The following SORCS3 variants were observed in gnomAD, a reference collection of about 807,000 sequenced individuals.
SORCS3 encodes the protein VPS10 domain-containing receptor SorCS3.
Under a neutral mutation model 146.3 loss-of-function variants are expected in SORCS3, and 57 were observed. That is an observed-to-expected ratio of 0.39 (90% CI 0.31 to 0.49). The LOEUF (loss-of-function observed/expected upper bound fraction) is 0.49, where lower values mean the gene tolerates loss of function less well. Among genes scored for constraint, SORCS3 ranks in the 20% least tolerant of loss-of-function variants. The pLI, the probability that SORCS3 is intolerant of heterozygous loss-of-function variation, is 0.92. For missense variants in SORCS3, 1,341 were observed against 1,575.5 expected (o/e 0.85, Z 2.52); for synonymous variants, 653 against 618.5 (o/e 1.06, Z -0.83).
intron 14 of SORCS3, among the ~76,000 whole-genome samples, chr10:105,181,266 G>T (rs1484242): frequency 0.075 from 11,468 of 152,244 alleles, 642 homozygotes; most frequent in Admixed American, 0.15. Flanking sequence ...AGCATGTTAG[G>T]AAATTGATTA....
At chr10:104,700,927 C>T (rs944965143) in intron 1 of SORCS3, among the ~76,000 whole-genome samples, 4 of 152,068 alleles carry the variant, frequency 2.6e-5, no homozygotes, top group African/African-American at 7.2e-5. Flanking sequence ...ATTTTTATTC[C>T]GAATTCCAGT....
chr10:104,837,153 T>G (rs2018080356), intron 1 of SORCS3, among the ~76,000 whole-genome samples: 1 of 152,146 alleles, frequency 6.6e-6, no homozygotes, highest in Admixed American at 6.5e-5. Flanking sequence ...TGTCAGCCGT[T>G]GTGCTTGGTG....
intron 1 of SORCS3, among the ~76,000 whole-genome samples, chr10:104,760,284 G>C (rs10786819): frequency 0.77 from 117,788 of 152,168 alleles, 45,782 homozygotes; most frequent in East Asian, 0.94. Flanking sequence ...CACTACAGCA[G>C]CTGGCACACA....
chr10:105,247,617 G>A (rs1200753652), intron 22 of SORCS3, among the ~76,000 whole-genome samples: 5 of 152,014 alleles, frequency 3.3e-5, no homozygotes, highest in South Asian at 4.1e-4. Flanking sequence ...ATGTGGTGGC[G>A]CACACCTGTA....
Position 105,089,827 on chromosome 10 carries a change from A to G in SORCS3, c.1081A>G (p.Thr361Ala), listed in dbSNP as rs2055689530. 6.2e-7 allele frequency: 1 copy of G among 1,613,940 alleles called. No individual in the cohort carries two copies. The highest frequency in any genetic ancestry group is 8.5e-7 in the Non-Finnish European group (1 of 1,179,860). ...GGACCTGGTGCACATGGAGGTGCGG[A>G]CCACGGATGGATGTGAGTTCTGCTA... ...EADLVHMEVRTTDGYAHYLTC... is the reference protein window; with the variant it reads ...EADLVHMEVRATDGYAHYLTC... Residue 361 changes from threonine (T) to alanine (A), a missense_variant, in exon 6 of 27, where the codon ACC becomes GCC. Coordinates refer to ENST00000369701, the MANE Select transcript of SORCS3 (RefSeq NM_014978.3).
chr10:104,963,015 T>C (rs987138417), intron 3 of SORCS3, among the ~76,000 whole-genome samples: 1 of 152,232 alleles, frequency 6.6e-6, no homozygotes, highest in African/African-American at 2.4e-5. Context: ...GAATTCATTT[T>C]AATGGCTGCA....
chr10:105,252,762 A>G lies in SORCS3; in HGVS notation c.3106-13A>G. ...CTCCTCCACAGCCTCTCTTTGTCTG[A>G]ACATCTTTGCAGGTAACCAGTGTCC... On this transcript the variant is annotated splice_polypyrimidine_tract_variant and intron_variant, in intron 22 of 26. Coordinates refer to ENST00000369701, the MANE Select transcript of SORCS3 (RefSeq NM_014978.3). The G allele has an allele frequency of 6.2e-7, 1 of 1,613,696 alleles. No individual in the cohort carries two copies. Among genetic ancestry groups the G allele is most frequent in the Non-Finnish European group, 8.5e-7 (1 of 1,179,790 alleles).
intron 4 of SORCS3, among the ~76,000 whole-genome samples, chr10:104,980,164 A>T (rs1277367630): frequency 6.6e-6 from 1 of 152,174 alleles, no homozygotes; most frequent in Non-Finnish European, 1.5e-5. Flanking sequence ...AAAATGTGGC[A>T]GTGGGTGTTG....
At chr10:104,757,066 G>A (rs537122110) in intron 1 of SORCS3, among the ~76,000 whole-genome samples, 10 of 83,976 alleles carry the variant, frequency 1.2e-4, no homozygotes, top group African/African-American at 4.1e-4. Context: ...CAAGTTAAGG[G>A]TTTTTTTTTT....
chr10:104,683,848 T>C (rs934726248), intron 1 of SORCS3, among the ~76,000 whole-genome samples: 7 of 152,142 alleles, frequency 4.6e-5, no homozygotes, highest in Non-Finnish European at 8.8e-5. Flanking sequence ...GTAAGCATCT[T>C]CTATATGCTG....
chr10:105,242,951 T>C (rs2056844674), intron 20 of SORCS3, among the ~76,000 whole-genome samples: 1 of 121,442 alleles, frequency 8.2e-6, no homozygotes, highest in South Asian at 2.3e-4. Flanking sequence ...TAATATATGA[T>C]ATATATTATA....
intron 4 of SORCS3, among the ~76,000 whole-genome samples, chr10:105,025,099 G>C (rs1376792352): frequency 6.6e-6 from 1 of 152,170 alleles, no homozygotes; most frequent in Non-Finnish European, 1.5e-5. Flanking sequence ...AACAAACTCA[G>C]AGGAAAAAGT....
At chr10:105,109,595 C>A (rs1271258344) in intron 7 of SORCS3, among the ~76,000 whole-genome samples, 1 of 152,020 alleles carries the variant, frequency 6.6e-6, no homozygotes, top group African/African-American at 2.4e-5. Flanking sequence ...AATATCATTT[C>A]TCAGGGTATA....
intron 3 of SORCS3, among the ~76,000 whole-genome samples, chr10:104,932,319 G>T (rs969879684): frequency 6.6e-6 from 1 of 152,108 alleles, no homozygotes; most frequent in Non-Finnish European, 1.5e-5. Context: ...TAGTCTCACG[G>T]CTGCTTGCAT....
intron 5 of SORCS3, among the ~76,000 whole-genome samples, chr10:105,086,886 T>C (rs939501267): frequency 6.6e-6 from 1 of 152,258 alleles, no homozygotes; most frequent in African/African-American, 2.4e-5. Context: ...TGATAGTTTC[T>C]TTTGCTGCGT....
chr10:104,871,500 G>A (rs1334535309), intron 2 of SORCS3, among the ~76,000 whole-genome samples: 1 of 152,178 alleles, frequency 6.6e-6, no homozygotes, highest in African/African-American at 2.4e-5. Flanking sequence ...GGCAATGCAG[G>A]TGGACCCTCA....
intron 5 of SORCS3, among the ~76,000 whole-genome samples, chr10:105,072,004 A>G (rs533841302): frequency 1.4e-4 from 22 of 152,316 alleles, no homozygotes; most frequent in African/African-American, 5.3e-4. Flanking sequence ...AAGACTGAGA[A>G]GAGCAGCCTC....
intron 9 of SORCS3, among the ~76,000 whole-genome samples, chr10:105,151,079 T>G (rs1315078042): frequency 1.3e-5 from 2 of 152,220 alleles, no homozygotes; most frequent in African/African-American, 4.8e-5. Context: ...TACAAGTGAC[T>G]CTATTAGGGT....
chr10:105,065,186 T>G (rs1168633862), intron 5 of SORCS3, among the ~76,000 whole-genome samples: 1 of 152,112 alleles, frequency 6.6e-6, no homozygotes, highest in Non-Finnish European at 1.5e-5. Flanking sequence ...GATGTGCTTG[T>G]GGTTAATTGC....
Sources: allele counts gnomAD v4.1 joint callset (sites outside exome capture counted in the v4.1 genomes callset), GRCh38; gene constraint gnomAD v4.1.1; transcripts MANE v1.5; gene names NCBI Gene and HGNC (gene_info 2026-07-23, HGNC 2026-07-21).